Variants in ANTXR1 observed in about 807,000 individuals in gnomAD.
ANTXR1 encodes the protein ANTXR cell adhesion molecule 1, also known as anthrax toxin receptor 1.
A neutral mutation model predicts 78.1 loss-of-function variants in ANTXR1; 19 were observed. The observed-to-expected ratio is 0.24, with a 90% CI of 0.17 to 0.36. The LOEUF (loss-of-function observed/expected upper bound fraction) is 0.36, where lower values mean the gene tolerates loss of function less well. Among genes scored for constraint, ANTXR1 ranks in the 10% least tolerant of loss-of-function variants. The pLI, the probability that ANTXR1 is intolerant of heterozygous loss-of-function variation, is 1.00. For synonymous variants in ANTXR1, 273 were observed against 260.5 expected (o/e 1.05, Z -0.46); for missense variants, 518 against 718.6 (o/e 0.72, Z 3.19).
chr2:69,093,518 A>G (rs1671304688), intron 9 of ANTXR1, among the ~76,000 whole-genome samples: 1 of 152,232 alleles, frequency 6.6e-6, no homozygotes, highest in Non-Finnish European at 1.5e-5. Context: ...ACCAGTGTCC[A>G]CAGGATCTGA....
At chr2:69,029,663 AG>A (rs1671469549) in intron 1 of ANTXR1, among the ~76,000 whole-genome samples, 1 of 152,106 alleles carries the variant, frequency 6.6e-6, no homozygotes, top group Non-Finnish European at 1.5e-5. Flanking sequence ...AATAATTATA[AG>A]GTTTTGAGTG....
intron 12 of ANTXR1, among the ~76,000 whole-genome samples, chr2:69,140,418 A>G (rs1366818324): frequency 6.6e-6 from 1 of 152,190 alleles, no homozygotes; most frequent in East Asian, 1.9e-4. Context: ...TATATTCTGC[A>G]CTCTTGCTTT....
intron 1 of ANTXR1, among the ~76,000 whole-genome samples, chr2:69,036,064 G>C (rs1277508371): frequency 6.6e-6 from 1 of 152,200 alleles, no homozygotes; most frequent in East Asian, 1.9e-4. Context: ...CTGTGAAATA[G>C]GGCCACTCCT....
intron 8 of ANTXR1, among the ~76,000 whole-genome samples, chr2:69,077,829 G>C (rs1670786516): frequency 6.6e-6 from 1 of 152,204 alleles, no homozygotes; most frequent in African/African-American, 2.4e-5. Flanking sequence ...CTGAACACAA[G>C]CTGCCTTCAG....
At chr2:69,044,594 C>T (rs912788508) in intron 2 of ANTXR1, 148 bp from the exon 3 acceptor site, 27 of 782,492 alleles carry the variant, frequency 3.5e-5, no homozygotes, top group Admixed American at 5.8e-5. Context: ...AATCAACACC[C>T]GCAGCACCAG....
chr2:69,242,288 C>T (rs868578613), intron 17 of ANTXR1, among the ~76,000 whole-genome samples: 32 of 152,212 alleles, frequency 2.1e-4, no homozygotes, highest in Admixed American at 6.5e-5. Flanking sequence ...CCCACAGCCC[C>T]CACTGCCCTC....
intron 8 of ANTXR1, among the ~76,000 whole-genome samples, chr2:69,089,128 G>C (rs1178641832): frequency 6.6e-6 from 1 of 152,094 alleles, no homozygotes; most frequent in Non-Finnish European, 1.5e-5. Context: ...AAACAAATAG[G>C]GGAATCAAAG....
chr2:69,218,620 C>T (rs979371540), intron 17 of ANTXR1, among the ~76,000 whole-genome samples: 2 of 152,154 alleles, frequency 1.3e-5, no homozygotes, highest in African/African-American at 4.8e-5. Context: ...CTTCCTAAAG[C>T]ACTTATGCCA....
intron 12 of ANTXR1, 122 bp downstream of exon 12, chr2:69,124,765 T>C: frequency 1.0e-6 from 1 of 988,588 alleles, no homozygotes; most frequent in Non-Finnish European, 1.6e-6. Context: ...TTCTGCTTGC[T>C]GAGCTTTGAT....
chr2:69,160,364 C>A (rs1480220149), intron 13 of ANTXR1, among the ~76,000 whole-genome samples: 1 of 152,130 alleles, frequency 6.6e-6, no homozygotes, highest in Non-Finnish European at 1.5e-5. Flanking sequence ...GGTTTCAATG[C>A]CGCATCTTCC....
At chr2:69,146,834 G>C (rs1016395018) in intron 12 of ANTXR1, among the ~76,000 whole-genome samples, 6 of 152,250 alleles carry the variant, frequency 3.9e-5, no homozygotes, top group Non-Finnish European at 8.8e-5. Context: ...TTCCAGAGTG[G>C]TATCTATGTG....
intron 12 of ANTXR1, among the ~76,000 whole-genome samples, chr2:69,151,082 C>T (rs185306026): frequency 1.7e-4 from 26 of 151,316 alleles, no homozygotes; most frequent in Admixed American, 1.1e-3. Flanking sequence ...TAACCGATTG[C>T]GTAGTAATTC....
chr2:69,179,827 G>T (rs892556993), intron 14 of ANTXR1, among the ~76,000 whole-genome samples: 2 of 152,206 alleles, frequency 1.3e-5, no homozygotes, highest in African/African-American at 4.8e-5. Context: ...CATTTAAAGT[G>T]CTCAAAAGAG....
At chr2:69,242,174 C>T (rs141697995) in intron 17 of ANTXR1, among the ~76,000 whole-genome samples, 14 of 152,264 alleles carry the variant, frequency 9.2e-5, no homozygotes, top group African/African-American at 1.4e-4. Flanking sequence ...CCTCCACCAT[C>T]ACCATTTTAC....
chr2:69,225,510 T>C (rs1233255054), intron 17 of ANTXR1, among the ~76,000 whole-genome samples: 3 of 152,146 alleles, frequency 2.0e-5, no homozygotes, highest in African/African-American at 7.2e-5. Flanking sequence ...AATTTAAAAA[T>C]ACATATATCA....
At chr2:69,047,863 G>A (rs972643931) in intron 3 of ANTXR1, among the ~76,000 whole-genome samples, 4 of 152,094 alleles carry the variant, frequency 2.6e-5, no homozygotes, top group South Asian at 2.1e-4. Context: ...GTAACCTGCC[G>A]AGGTCAGATA....
intron 12 of ANTXR1, chr2:69,135,095 T>C: frequency 2.5e-6 from 1 of 392,628 alleles, no homozygotes; most frequent in South Asian, 1.9e-5. Context: ...TGAACTGAAA[T>C]AAAAGTAGTT....
At chr2:69,131,627 A>G (rs1355746919) in intron 12 of ANTXR1, among the ~76,000 whole-genome samples, 7 of 152,170 alleles carry the variant, frequency 4.6e-5, no homozygotes, top group Non-Finnish European at 4.4e-5. Flanking sequence ...AGCACCTGGC[A>G]CAATGTCTGC....
chr2:69,076,404 T>C (rs1670732268), intron 7 of ANTXR1, among the ~76,000 whole-genome samples: 1 of 152,214 alleles, frequency 6.6e-6, no homozygotes, highest in African/African-American at 2.4e-5. Context: ...AAAAAATGTG[T>C]ATAGGTGCAT....
Sources: allele counts gnomAD v4.1 joint callset (sites outside exome capture counted in the v4.1 genomes callset), GRCh38; gene constraint gnomAD v4.1.1; transcripts MANE v1.5; gene names NCBI Gene and HGNC (gene_info 2026-07-23, HGNC 2026-07-21).